Variants in FNBP1 observed in about 807,000 individuals in gnomAD.
FNBP1 encodes the protein formin-binding protein 1.
A neutral mutation model predicts 90.6 loss-of-function variants in FNBP1; 26 were observed. The observed-to-expected ratio is 0.29, with a 90% CI of 0.21 to 0.40. The LOEUF is 0.40. FNBP1 is among the 10% of genes least tolerant of loss of function. The probability of loss-of-function intolerance (pLI) is 1.00; values close to 1 mark genes in which losing one functional copy is unlikely to be tolerated. For synonymous variants in FNBP1, 260 were observed against 265.2 expected, an observed-to-expected ratio of 0.98 and a Z score of 0.19; for missense variants, 635 against 768.0, an observed-to-expected ratio of 0.83 and a Z score of 2.05.
chr9:130,033,610 G>A lies in FNBP1; in HGVS notation c.24+9342C>T, dbSNP rs530908674. Reference sequence around the variant, plus strand: ...CCCAGCACTTTGGGAGGCCGAGGCCGGTGATCACTTGAGGTCAAAAGTTCA... The same window carrying A: ...CCCAGCACTTTGGGAGGCCGAGGCCAGTGATCACTTGAGGTCAAAAGTTCA... On this transcript the variant is annotated intron_variant, in intron 1 of 16. Coordinates refer to ENST00000446176, the MANE Select transcript of FNBP1 (RefSeq NM_015033.3). Among the ~76,000 whole-genome samples, 8 of 152,084 alleles carry A rather than the reference G, an allele frequency of 5.3e-5. No homozygotes were observed. The East Asian group carries it at 1.5e-3, about 29-fold the overall frequency.
chr9:129,955,922 T>C (rs2046874640), intron 6 of FNBP1, among the ~76,000 whole-genome samples: 1 of 151,794 alleles, frequency 6.6e-6, no homozygotes, highest in Non-Finnish European at 1.5e-5. Context: ...TTTTGAAACT[T>C]TGGGCTAATC....
At chr9:129,944,324 C>T (rs912898698) in intron 6 of FNBP1, among the ~76,000 whole-genome samples, 3 of 151,946 alleles carry the variant, frequency 2.0e-5, no homozygotes, top group African/African-American at 4.8e-5. Flanking sequence ...AGGAGGATCA[C>T]GAGGTCAAGA....
At chr9:130,023,769 C>T (rs1431147797) in intron 1 of FNBP1, among the ~76,000 whole-genome samples, 1 of 152,108 alleles carries the variant, frequency 6.6e-6, no homozygotes, top group African/African-American at 2.4e-5. Flanking sequence ...ATCCTTTTAT[C>T]GTGAGCATTT....
chr9:130,011,267 TAA>T (rs58365309), intron 1 of FNBP1, among the ~76,000 whole-genome samples: 25,695 of 52,288 alleles, frequency 0.49, 6,004 homozygotes, highest in East Asian at 0.62. Context: ...TATATATATA[TAA>T]AATATATATA....
intron 1 of FNBP1, among the ~76,000 whole-genome samples, chr9:130,032,052 T>C (rs1355866071): frequency 2.6e-5 from 4 of 152,126 alleles, no homozygotes; most frequent in Non-Finnish European, 5.9e-5. Context: ...TTGCCAAAAA[T>C]GGCCGTAACA....
At chr9:130,017,097 T>C (rs1357072818) in intron 1 of FNBP1, among the ~76,000 whole-genome samples, 1 of 152,090 alleles carries the variant, frequency 6.6e-6, no homozygotes, top group Non-Finnish European at 1.5e-5. Flanking sequence ...AAAAAGGTAA[T>C]TTATGAAGAG....
chr9:130,038,779 C>T (rs935284483), intron 1 of FNBP1, among the ~76,000 whole-genome samples: 1 of 152,182 alleles, frequency 6.6e-6, no homozygotes, highest in African/African-American at 2.4e-5. Flanking sequence ...CTTCATTTCT[C>T]ATTAGCACCA....
chr9:130,001,601 G>A (rs879296105), intron 1 of FNBP1, among the ~76,000 whole-genome samples: 11 of 152,162 alleles, frequency 7.2e-5, no homozygotes, highest in Non-Finnish European at 1.6e-4. Context: ...TCTATTTCAG[G>A]TTGGGTGTGG....
upstream of FNBP1, among the ~76,000 whole-genome samples, chr9:130,045,260 A>G (rs2060054556): frequency 6.6e-6 from 1 of 152,200 alleles, no homozygotes; most frequent in Non-Finnish European, 1.5e-5. Flanking sequence ...TAATAGCCAG[A>G]GTGAGTTGGA....
At chr9:129,901,479 G>A (rs1036254449) in intron 13 of FNBP1, among the ~76,000 whole-genome samples, 1 of 152,040 alleles carries the variant, frequency 6.6e-6, no homozygotes, top group Non-Finnish European at 1.5e-5. Context: ...GGAGGTTACA[G>A]TGAGTCGAGA....
chr9:129,897,538 T>C (rs1387005081), intron 15 of FNBP1, among the ~76,000 whole-genome samples: 1 of 152,232 alleles, frequency 6.6e-6, no homozygotes, highest in Non-Finnish European at 1.5e-5. Flanking sequence ...GAGCTCTGAT[T>C]GCTAGTTTTA....
chr9:129,894,004 A>G lies in FNBP1; in HGVS notation c.1846+1834T>C, dbSNP rs989328563. ...GTGAGAATCTTGAAACACGGCCCCT[A>G]GCATCCAGAACCCCTACTAGGTTCT... On this transcript the variant is annotated intron_variant, in intron 16 of 16. Coordinates refer to ENST00000446176, the MANE Select transcript of FNBP1 (RefSeq NM_015033.3). Among the ~76,000 whole-genome samples, 3 of 152,154 alleles carry G rather than the reference A, an allele frequency of 2.0e-5. No homozygotes were observed. The South Asian group carries it at 6.2e-4, about 32-fold the overall frequency.
intron 1 of FNBP1, among the ~76,000 whole-genome samples, chr9:130,003,285 T>C (rs1365268056): frequency 1.3e-5 from 2 of 151,788 alleles, no homozygotes; most frequent in Admixed American, 6.6e-5. Context: ...AGTGAAACCC[T>C]GTCTCTACTA....
At position 130,033,721 on chromosome 9, in the gene FNBP1, G is replaced by A. The variant is rs548867269; in HGVS notation, c.24+9231C>T. 2.7e-3 allele frequency among the ~76,000 whole-genome samples: 414 copies of A among 152,036 alleles called. 1 individual carries two copies. Among genetic ancestry groups the A allele is most frequent in the Middle Eastern group, 0.014 (4 of 294 alleles). On this transcript the variant is annotated intron_variant, in intron 1 of 16. Coordinates refer to ENST00000446176, the MANE Select transcript of FNBP1 (RefSeq NM_015033.3). The stretch of plus-strand genomic sequence containing the variant: ...AAGTTAGCCAGGCCGGGCTGGGCAC[G>A]GTGGCTCACGCCTGTAATCACAGAA...
chr9:129,943,384 C>T (rs372163081), intron 6 of FNBP1, among the ~76,000 whole-genome samples: 14 of 102,636 alleles, frequency 1.4e-4, no homozygotes, highest in South Asian at 3.4e-4. Flanking sequence ...TCATTAATTG[C>T]TTTTTTTTTT....
At chr9:129,907,664 G>A (rs2038393312) in intron 12 of FNBP1, among the ~76,000 whole-genome samples, 1 of 151,500 alleles carries the variant, frequency 6.6e-6, no homozygotes, top group Non-Finnish European at 1.5e-5. Context: ...TTTAATGAAT[G>A]CACCTTCCCC....
chr9:130,008,864 C>T (rs1243836051), intron 1 of FNBP1, among the ~76,000 whole-genome samples: 1 of 152,030 alleles, frequency 6.6e-6, no homozygotes, highest in African/African-American at 2.4e-5. Flanking sequence ...GTGATTCTCT[C>T]CCCCAGAAAA....
upstream of FNBP1, among the ~76,000 whole-genome samples, chr9:130,047,763 C>G (rs10988577): frequency 0.88 from 133,127 of 152,100 alleles, 59,450 homozygotes; most frequent in East Asian, 0.97. Context: ...AGAACAGAGA[C>G]CCTGTATAGA....
intron 1 of FNBP1, among the ~76,000 whole-genome samples, chr9:130,019,676 A>T (rs1226796154): frequency 6.6e-6 from 1 of 152,210 alleles, no homozygotes; most frequent in Non-Finnish European, 1.5e-5. Context: ...TGATCTTTGG[A>T]GTAATGGCTA....
Sources: gnomAD v4.1 joint callset for allele counts (sites outside exome capture counted in the v4.1 genomes callset) on GRCh38, gnomAD v4.1.1 for gene constraint, MANE v1.5 for transcripts, NCBI Gene and HGNC (gene_info 2026-07-23, HGNC 2026-07-21) for gene names.